CCDC91: variants seen among roughly 807,000 people sequenced by gnomAD.
CCDC91 encodes the protein coiled-coil domain containing 91.
A neutral mutation model predicts 63.2 loss-of-function variants in CCDC91; 48 were observed. The ratio of observed to expected loss-of-function variants is 0.76; its 90% CI spans 0.60 to 0.97. CCDC91 has a LOEUF of 0.97. Ranked by LOEUF, CCDC91 falls within the 50% of genes least tolerant of loss-of-function variation. The pLI is 0.00. For missense variants in CCDC91, 500 were observed against 494.6 expected, an observed-to-expected ratio of 1.01 and a Z score of -0.10; for synonymous variants, 167 against 165.8, an observed-to-expected ratio of 1.01 and a Z score of -0.06.
At chr12:28,321,118 A>AT (rs888841775) in intron 6 of CCDC91, among the ~76,000 whole-genome samples, 10 of 151,616 alleles carry the variant, frequency 6.6e-5, no homozygotes, top group Middle Eastern at 3.4e-3. Flanking sequence ...CTATTTGAGC[A>AT]TTTTTTTTGC....
At chr12:28,304,014 T>A (rs1265019733) in intron 3 of CCDC91, among the ~76,000 whole-genome samples, 2 of 151,970 alleles carry the variant, frequency 1.3e-5, no homozygotes, top group African/African-American at 4.8e-5. Context: ...AGAAAAAAAA[T>A]AATTTCCGAA....
chr12:28,449,661 A>G (rs1384889822), intron 8 of CCDC91, among the ~76,000 whole-genome samples: 3 of 151,988 alleles, frequency 2.0e-5, no homozygotes, highest in African/African-American at 2.4e-5. Context: ...TAGTTTTTGA[A>G]TCTGTGGTAA....
intron 12 of CCDC91, among the ~76,000 whole-genome samples, chr12:28,516,448 C>T (rs1939958313): frequency 6.6e-6 from 1 of 151,698 alleles, no homozygotes; most frequent in Non-Finnish European, 1.5e-5. Flanking sequence ...ACAAAAAATA[C>T]AAACATTAGT....
chr12:28,523,580 G>A (rs569829539), intron 12 of CCDC91, among the ~76,000 whole-genome samples: 14 of 152,102 alleles, frequency 9.2e-5, no homozygotes, highest in African/African-American at 2.2e-4. Context: ...TTACATTTAA[G>A]GTTAATATTG....
At chr12:28,335,952 T>TTTA (rs557218128) in intron 6 of CCDC91, among the ~76,000 whole-genome samples, 3 of 150,042 alleles carry the variant, frequency 2.0e-5, no homozygotes, top group African/African-American at 7.3e-5. Flanking sequence ...TTTTTTTTTT[T>TTTA]AAAAAAAAAC....
chr12:28,222,809 A>G (rs921725220), intron 1 of CCDC91, among the ~76,000 whole-genome samples: 3 of 152,154 alleles, frequency 2.0e-5, no homozygotes, highest in African/African-American at 4.8e-5. Context: ...TGTTGGAACT[A>G]TATAAGATAG....
At chr12:28,409,009 A>T (rs1187345747) in intron 8 of CCDC91, among the ~76,000 whole-genome samples, 1 of 152,134 alleles carries the variant, frequency 6.6e-6, no homozygotes, top group Non-Finnish European at 1.5e-5. Flanking sequence ...GGGTTTATAG[A>T]ATTTTCTACA....
At chr12:28,267,850 T>TA (rs1947373779) in intron 3 of CCDC91, among the ~76,000 whole-genome samples, 1 of 12,600 alleles carries the variant, frequency 7.9e-5, no homozygotes, top group Non-Finnish European at 1.8e-4. Flanking sequence ...TATAATTATA[T>TA]AGTAATATAT....
chr12:28,434,931 A>T (rs144233298), intron 8 of CCDC91, among the ~76,000 whole-genome samples: 74 of 151,750 alleles, frequency 4.9e-4, no homozygotes, highest in African/African-American at 1.7e-3. Flanking sequence ...ATTTGTTCAT[A>T]GTACTATTTT....
intron 1 of CCDC91, among the ~76,000 whole-genome samples, chr12:28,251,051 T>G (rs1946089832): frequency 6.6e-6 from 1 of 151,886 alleles, no homozygotes; most frequent in South Asian, 2.1e-4. Context: ...AAAAAACCAC[T>G]TGTCTCTGTT....
At chr12:28,442,832 G>A (rs1269153439) in intron 8 of CCDC91, among the ~76,000 whole-genome samples, 1 of 151,898 alleles carries the variant, frequency 6.6e-6, no homozygotes, top group African/African-American at 2.4e-5. Context: ...ATGATCAAAT[G>A]TCAAAGTATG....
intron 7 of CCDC91, among the ~76,000 whole-genome samples, chr12:28,377,037 A>G (rs1230812659): frequency 6.6e-6 from 1 of 151,692 alleles, no homozygotes; most frequent in Admixed American, 6.6e-5. Context: ...TAAGGTATGA[A>G]CATTTAGGTT....
chr12:28,244,493 G>T (rs1437465272), intron 1 of CCDC91, among the ~76,000 whole-genome samples: 4 of 67,012 alleles, frequency 6.0e-5, no homozygotes, highest in African/African-American at 2.3e-4. Flanking sequence ...GTAGAAGAAG[G>T]CTTTTTTTTT....
intron 11 of CCDC91, among the ~76,000 whole-genome samples, chr12:28,471,250 TA>T (rs1368899561): frequency 6.6e-6 from 1 of 152,162 alleles, no homozygotes; most frequent in Admixed American, 6.6e-5. Flanking sequence ...AGAATATAAT[TA>T]GGCTTCTCAA....
rs374954145 is a variant in CCDC91, at chr12:28,394,465, A to AC, written c.762+3054_762+3055insC. ...TGGGCGACAGAGAGTCTGTCTCAAA[A>AC]AAACAAACAAACAAAAAAAAAACAA... On this transcript the variant is annotated intron_variant, in intron 8 of 12. Coordinates refer to ENST00000536442, the MANE Select transcript of CCDC91 (RefSeq NM_018318.5). Among the ~76,000 whole-genome samples, 1,390 of 151,824 alleles carry AC rather than the reference A, an allele frequency of 9.2e-3. 29 individuals are homozygous for AC. The highest frequency in any genetic ancestry group is 0.033 in the African/African-American group (1,345 of 41,246).
At chr12:28,414,630 T>G (rs1357355159) in intron 8 of CCDC91, among the ~76,000 whole-genome samples, 1 of 152,196 alleles carries the variant, frequency 6.6e-6, no homozygotes, top group Admixed American at 6.5e-5. Flanking sequence ...TTGATCACAC[T>G]TGGCTATTCA....
At chr12:28,533,688 A>G (rs1358853277) in intron 12 of CCDC91, among the ~76,000 whole-genome samples, 1 of 152,056 alleles carries the variant, frequency 6.6e-6, no homozygotes, top group Non-Finnish European at 1.5e-5. Context: ...AAATATAGCC[A>G]TTACAATGAC....
At chr12:28,542,787 A>AT (rs539118566) in intron 12 of CCDC91, among the ~76,000 whole-genome samples, 19 of 151,970 alleles carry the variant, frequency 1.3e-4, no homozygotes, top group Admixed American at 2.6e-4. Flanking sequence ...ACTTAAAGGT[A>AT]TTTTTTTTAT....
At chr12:28,329,621 A>AT (rs911304532) in intron 6 of CCDC91, among the ~76,000 whole-genome samples, 3 of 150,962 alleles carry the variant, frequency 2.0e-5, no homozygotes, top group African/African-American at 4.9e-5. Flanking sequence ...AAGGATTATT[A>AT]TTTTTTTTAT....
Sources: allele counts gnomAD v4.1 joint callset (sites outside exome capture counted in the v4.1 genomes callset), GRCh38; gene constraint gnomAD v4.1.1; transcripts MANE v1.5; gene names NCBI Gene and HGNC (gene_info 2026-07-23, HGNC 2026-07-21).